The following MTMR2 variants were observed in gnomAD, a reference collection of about 807,000 sequenced individuals.
MTMR2 encodes the protein myotubularin related protein 2.
MTMR2 carries 55 observed loss-of-function variants against 86.9 expected under a neutral mutation model. That is an observed-to-expected ratio of 0.63 (90% CI 0.51 to 0.79). MTMR2 has a LOEUF of 0.79. MTMR2 is among the 30% of genes least tolerant of loss of function. The pLI, the probability that MTMR2 is intolerant of heterozygous loss-of-function variation, is 0.00. For missense variants in MTMR2, 659 were observed against 772.3 expected, an observed-to-expected ratio of 0.85 and a Z score of 1.74; for synonymous variants, 241 against 266.8, an observed-to-expected ratio of 0.90 and a Z score of 0.94.
chr11:95,870,984 G>C (rs1864856930), intron 2 of MTMR2, among the ~76,000 whole-genome samples: 1 of 151,958 alleles, frequency 6.6e-6, no homozygotes, highest in Admixed American at 6.6e-5. Flanking sequence ...AGAACATGCG[G>C]TGTTTGGTGT....
At chr11:95,876,041 G>A (rs1865097445) in intron 2 of MTMR2, among the ~76,000 whole-genome samples, 1 of 152,236 alleles carries the variant, frequency 6.6e-6, no homozygotes, top group South Asian at 2.1e-4. Flanking sequence ...AGGCTACTCT[G>A]GGGTCAGAGA....
chr11:95,915,145 T>TAACAGAG (rs1302054980), intron 1 of MTMR2, among the ~76,000 whole-genome samples: 3 of 152,166 alleles, frequency 2.0e-5, no homozygotes. Flanking sequence ...CTAATATTGG[T>TAACAGAG]AACAGAGAAC....
chr11:95,921,510 A>G (rs1157286405), intron 1 of MTMR2, among the ~76,000 whole-genome samples: 3 of 152,234 alleles, frequency 2.0e-5, no homozygotes, highest in East Asian at 3.8e-4. Context: ...AGCAGGCCAC[A>G]CTGGCAATGT....
intron 1 of MTMR2, among the ~76,000 whole-genome samples, chr11:95,917,517 C>T (rs1381495211): frequency 6.6e-6 from 1 of 152,076 alleles, no homozygotes; most frequent in Admixed American, 6.5e-5. Flanking sequence ...GGGTGCTGAC[C>T]TTCAACGCAG....
intron 1 of MTMR2, among the ~76,000 whole-genome samples, chr11:95,888,720 T>C (rs1784545): frequency 2.0e-4 from 28 of 136,784 alleles, no homozygotes; most frequent in Admixed American, 1.2e-3. Flanking sequence ...CACACACACA[T>C]ACACACACAC....
chr11:95,850,692 C>T lies in MTMR2; in HGVS notation c.712G>A (p.Asp238Asn). ...TKINERYELC[D>N]TYPALLVVPA... ...ACAACCAGGAGGGCAGGGTATGTAT[C>T]ACAAAGTTCATATCGTTCATTTATC... The change falls in exon 8 of 15, where the codon GAT becomes AAT. Residue 238 changes from aspartate (D) to asparagine (N), a missense_variant. Physicochemically the swap from Asp to Asn is conservative, Grantham distance 23. Transcript: ENST00000346299. 1 of 1,613,976 alleles carries T rather than the reference C, an allele frequency of 6.2e-7. No homozygotes were observed.
intron 1 of MTMR2, among the ~76,000 whole-genome samples, chr11:95,900,147 T>C (rs1866019055): frequency 6.6e-6 from 1 of 152,058 alleles, no homozygotes; most frequent in Non-Finnish European, 1.5e-5. Context: ...TTGGCTAGGA[T>C]GTGGTATGTG....
chr11:95,869,504 A>G (rs1864770171), intron 2 of MTMR2, among the ~76,000 whole-genome samples: 1 of 152,194 alleles, frequency 6.6e-6, no homozygotes, highest in Admixed American at 6.5e-5. Flanking sequence ...TTGAGAAAGC[A>G]TGTCATATAG....
chr11:95,899,427 T>C (rs1344776908), intron 1 of MTMR2, among the ~76,000 whole-genome samples: 1 of 152,178 alleles, frequency 6.6e-6, no homozygotes. Flanking sequence ...CAAAGGATTT[T>C]AGATTTTACT....
chr11:95,845,243 G>A, intron 10 of MTMR2, 84 bp from the exon 11 acceptor site: 1 of 1,145,846 alleles, frequency 8.7e-7, no homozygotes, highest in Non-Finnish European at 1.3e-6. Flanking sequence ...GCTTATCAGG[G>A]ATCATTATTT....
At position 95,835,298 on chromosome 11, in the gene MTMR2, C is replaced by T; in HGVS notation, c.1924G>A (p.Val642Ile). 9 of 1,612,784 alleles carry T rather than the reference C, an allele frequency of 5.6e-6. No individual in the cohort carries two copies. The highest frequency in any genetic ancestry group is 7.6e-6 in the Non-Finnish European group (9 of 1,179,142). ...CCTGATCTTACAGTCCTTTATACAA[C>T]AGTTTGGACAGGAGTGACACACTGT... ...PAQCVTPVQTVV is the reference protein window; with the variant it reads ...PAQCVTPVQTIV Residue 642 changes from valine (V) to isoleucine (I), a missense_variant, in exon 15 of 15, where the codon GTT becomes ATT. Val to Ile is a conservative substitution (Grantham distance 29, BLOSUM62 3). Transcript: ENST00000346299.
At chr11:95,922,299 C>T (rs537228971) in intron 1 of MTMR2, among the ~76,000 whole-genome samples, 2 of 152,304 alleles carry the variant, frequency 1.3e-5, no homozygotes, top group South Asian at 4.1e-4. Context: ...GTGGTTCTAA[C>T]TTCTCTGCCT....
At chr11:95,849,537 C>T in intron 9 of MTMR2, 137 bp downstream of exon 9, 1 of 788,264 alleles carries the variant, frequency 1.3e-6, no homozygotes. Context: ...CAAAATCACA[C>T]CATCAAGTTG....
chr11:95,841,565 G>C, intron 12 of MTMR2, 52 bp downstream of exon 12: 2 of 1,359,536 alleles, frequency 1.5e-6, no homozygotes, highest in Non-Finnish European at 2.1e-6. Flanking sequence ...TCCCCACTCT[G>C]ACAGGAAAAC....
intron 2 of MTMR2, among the ~76,000 whole-genome samples, chr11:95,871,393 A>C (rs1364478648): frequency 6.6e-6 from 1 of 152,182 alleles, no homozygotes; most frequent in African/African-American, 2.4e-5. Context: ...CATCCTCTCC[A>C]GCACCTGTTG....
intron 5 of MTMR2, 76 bp downstream of exon 5, chr11:95,861,916 A>C (rs1864433440): frequency 9.1e-7 from 1 of 1,095,696 alleles, no homozygotes; most frequent in Non-Finnish European, 1.4e-6. Context: ...TTTAGAAACC[A>C]ATTTCAAAAC....
chr11:95,875,424 C>A (rs537994), intron 2 of MTMR2, among the ~76,000 whole-genome samples: 42,282 of 152,100 alleles, frequency 0.28, 7,073 homozygotes, highest in Non-Finnish European at 0.38. Flanking sequence ...ACGTAGTTCT[C>A]ATGCCACGGT....
intron 1 of MTMR2, among the ~76,000 whole-genome samples, chr11:95,910,317 T>TG (rs1479114670): frequency 1.3e-5 from 2 of 152,100 alleles, no homozygotes; most frequent in Non-Finnish European, 2.9e-5. Context: ...TTATTGTCAA[T>TG]CACAGCAACA....
intron 5 of MTMR2, 55 bp from the exon 6 acceptor site, chr11:95,858,687 T>C: frequency 1.8e-6 from 2 of 1,118,412 alleles, no homozygotes; most frequent in East Asian, 2.4e-5. Flanking sequence ...CTTAAATGAA[T>C]AAATAAGGTT....
Sources: allele counts gnomAD v4.1 joint callset (sites outside exome capture counted in the v4.1 genomes callset), GRCh38; gene constraint gnomAD v4.1.1; transcripts MANE v1.5; gene names NCBI Gene and HGNC (gene_info 2026-07-23, HGNC 2026-07-21).